MAPK10: variants seen among roughly 807,000 people sequenced by gnomAD.
MAPK10 encodes mitogen-activated protein kinase 10, also known as JNK3 alpha protein kinase.
In MAPK10, 25 loss-of-function variants were observed where a neutral mutation model predicts 59.3. The observed-to-expected ratio is 0.42, with a 90% confidence interval of 0.31 to 0.59. The LOEUF is 0.59. Among genes scored for constraint, MAPK10 ranks in the 20% least tolerant of loss-of-function variants. MAPK10 has a pLI of 0.15. For synonymous variants in MAPK10, 190 were observed against 200.5 expected, an observed-to-expected ratio of 0.95 and a Z score of 0.44; for missense variants, 351 against 568.9, an observed-to-expected ratio of 0.62 and a Z score of 3.90.
At chr4:86,463,652 T>A (rs1751945774) in intron 1 of MAPK10, among the ~76,000 whole-genome samples, 1 of 152,206 alleles carries the variant, frequency 6.6e-6, no homozygotes, top group African/African-American at 2.4e-5. Context: ...AAAGTAGCCA[T>A]ATGTAGGGAT....
chr4:86,424,248 T>C (rs1313985706), intron 1 of MAPK10, among the ~76,000 whole-genome samples: 1 of 152,120 alleles, frequency 6.6e-6, no homozygotes, highest in African/African-American at 2.4e-5. Context: ...TGTTGCCCAG[T>C]GGCGCAATCT....
intron 4 of MAPK10, among the ~76,000 whole-genome samples, chr4:86,131,004 G>A (rs1580858048): frequency 6.6e-6 from 1 of 152,130 alleles, no homozygotes; most frequent in African/African-American, 2.4e-5. Flanking sequence ...GGGGAAGATA[G>A]TGAAAGCTTA....
chr4:86,541,953 A>G (rs1398921544), intron 1 of MAPK10, among the ~76,000 whole-genome samples: 10 of 113,172 alleles, frequency 8.8e-5, no homozygotes, highest in African/African-American at 2.7e-4. Flanking sequence ...ACCGGCACAC[A>G]CACACACACA....
At chr4:86,142,965 T>C (rs2063968313) in intron 4 of MAPK10, among the ~76,000 whole-genome samples, 1 of 152,178 alleles carries the variant, frequency 6.6e-6, no homozygotes, top group African/African-American at 2.4e-5. Flanking sequence ...TCTGTATTAG[T>C]CCATTCTCAT....
intron 1 of MAPK10, among the ~76,000 whole-genome samples, chr4:86,576,794 C>T (rs1347752501): frequency 6.6e-6 from 1 of 151,472 alleles, no homozygotes; most frequent in Admixed American, 6.6e-5. Flanking sequence ...AAACAAAAAA[C>T]CTATAATTGG....
At chr4:86,427,839 C>A (rs1747508453) in intron 1 of MAPK10, among the ~76,000 whole-genome samples, 2 of 152,116 alleles carry the variant, frequency 1.3e-5, no homozygotes, top group African/African-American at 2.4e-5. Flanking sequence ...ATTTTTCCCT[C>A]CTCTCAATTA....
rs931701616 is a variant in MAPK10 at position 86,074,230 on chromosome 4, GT to G, written c.803-6276del. Among the ~76,000 whole-genome samples the G allele has an allele frequency of 2.9e-5, 4 of 139,478 alleles. 1 individual carries two copies. Among genetic ancestry groups the G allele is most frequent in the Non-Finnish European group, 6.2e-5 (4 of 64,104 alleles). The allele number at this position is 139,478 out of a possible 152,430, so 91.5% of individuals were successfully genotyped here. A position where few individuals can be genotyped will look rare whatever the true frequency, so the allele number is the denominator to read the frequency against. The stretch of plus-strand genomic sequence containing the variant: ...TAGGATTGCAACCCCTGCCTTTTTT[GT>G]TTTCCATTGGCTTGGTAGATCTTCC... On this transcript the variant is annotated intron_variant, in intron 9 of 13. Coordinates refer to ENST00000641462, the MANE Select transcript of MAPK10 (RefSeq NM_138982.4).
At chr4:86,209,693 T>C (rs2085247487) in intron 2 of MAPK10, among the ~76,000 whole-genome samples, 2 of 152,052 alleles carry the variant, frequency 1.3e-5, no homozygotes, top group South Asian at 4.1e-4. Flanking sequence ...AAAATGTCTA[T>C]ACCCTACTCA....
chr4:86,323,896 G>A (rs188705692), intron 2 of MAPK10, among the ~76,000 whole-genome samples: 170 of 152,220 alleles, frequency 1.1e-3, no homozygotes, highest in Non-Finnish European at 1.9e-3. Flanking sequence ...GTGGGATGTC[G>A]CAGGACTATT....
At chr4:86,493,316 G>A (rs1019505079) in intron 1 of MAPK10, among the ~76,000 whole-genome samples, 3 of 152,078 alleles carry the variant, frequency 2.0e-5, no homozygotes, top group Non-Finnish European at 2.9e-5. Context: ...TCTTTTATCA[G>A]GGGTGTCCTA....
At chr4:86,566,840 C>A (rs192089842) in intron 1 of MAPK10, among the ~76,000 whole-genome samples, 1 of 152,202 alleles carries the variant, frequency 6.6e-6, no homozygotes, top group South Asian at 2.1e-4. Flanking sequence ...GAGGTCAAGG[C>A]TGGAGAATCA....
chr4:86,539,159 G>C (rs1758479703), intron 1 of MAPK10, among the ~76,000 whole-genome samples: 1 of 152,006 alleles, frequency 6.6e-6, no homozygotes, highest in South Asian at 2.1e-4. Flanking sequence ...CTCAGCCCAG[G>C]AAAACAGGAT....
At chr4:86,070,917 T>C (rs1252132296) in intron 9 of MAPK10, among the ~76,000 whole-genome samples, 2 of 152,090 alleles carry the variant, frequency 1.3e-5, no homozygotes, top group Admixed American at 6.5e-5. Context: ...AGTAATGGGA[T>C]GGCTGGGTCA....
At chr4:86,434,779 G>A (rs543115797) in intron 1 of MAPK10, among the ~76,000 whole-genome samples, 3 of 152,280 alleles carry the variant, frequency 2.0e-5, no homozygotes, top group East Asian at 1.9e-4. Context: ...ATGATGCAGC[G>A]GTCCCATTGC....
At chr4:86,143,225 G>A (rs763125500) in intron 4 of MAPK10, among the ~76,000 whole-genome samples, 1 of 152,172 alleles carries the variant, frequency 6.6e-6, no homozygotes, top group African/African-American at 2.4e-5. Context: ...GGGGGAAAAT[G>A]TCCCCATGAT....
intron 2 of MAPK10, among the ~76,000 whole-genome samples, chr4:86,221,069 C>T (rs998564059): frequency 2.6e-5 from 4 of 152,160 alleles, no homozygotes; most frequent in Non-Finnish European, 4.4e-5. Context: ...CACAGTCTCC[C>T]GAATAGAAGG....
intron 1 of MAPK10, among the ~76,000 whole-genome samples, chr4:86,469,405 C>T (rs1483363277): frequency 1.3e-5 from 2 of 152,208 alleles, no homozygotes; most frequent in Admixed American, 1.3e-4. Flanking sequence ...AGTGCCCAGA[C>T]ATTATCTGTA....
chr4:86,166,906 A>G (rs2071939610), intron 3 of MAPK10, among the ~76,000 whole-genome samples: 1 of 152,196 alleles, frequency 6.6e-6, no homozygotes, highest in South Asian at 2.1e-4. Context: ...AGAGACACAA[A>G]AAAAAACCTT....
chr4:86,553,047 C>T (rs1478404946), intron 1 of MAPK10, among the ~76,000 whole-genome samples: 4 of 152,048 alleles, frequency 2.6e-5, no homozygotes, highest in Admixed American at 1.3e-4. Flanking sequence ...TCCATAAAAC[C>T]GTGGCAGCTT....
Sources: gnomAD v4.1 joint callset for allele counts (sites outside exome capture counted in the v4.1 genomes callset) on GRCh38, gnomAD v4.1.1 for gene constraint, MANE v1.5 for transcripts, NCBI Gene and HGNC (gene_info 2026-07-23, HGNC 2026-07-21) for gene names.